The following FMNL2 variants were observed in gnomAD, a reference collection of about 807,000 sequenced individuals.
The protein encoded by FMNL2 is formin-like protein 2.
A neutral mutation model predicts 130.2 loss-of-function variants in FMNL2; 51 were observed. The ratio of observed to expected loss-of-function variants is 0.39; its 90% CI spans 0.31 to 0.49. FMNL2 has a LOEUF of 0.49. Among genes scored for constraint, FMNL2 ranks in the 20% least tolerant of loss-of-function variants. FMNL2 has a pLI of 0.85. For missense variants in FMNL2, 977 were observed against 1,316.2 expected (o/e 0.74, Z 3.99); for synonymous variants, 465 against 467.1 (o/e 1.00, Z 0.06).
intron 9 of FMNL2, among the ~76,000 whole-genome samples, chr2:152,603,398 T>TA (rs1698193793): frequency 8.5e-6 from 1 of 117,912 alleles, no homozygotes; most frequent in African/African-American, 3.7e-5. Flanking sequence ...TATTTAAGTC[T>TA]GTTTTTTTTT....
At chr2:152,587,847 AAG>A (rs564477142) in intron 9 of FMNL2, among the ~76,000 whole-genome samples, 80 of 152,368 alleles carry the variant, frequency 5.3e-4, no homozygotes, top group Admixed American at 1.2e-3. Context: ...CTGCCTTTAA[AAG>A]AGAGCCTCCC....
intron 1 of FMNL2, among the ~76,000 whole-genome samples, chr2:152,487,435 A>G (rs1362311385): frequency 6.6e-6 from 1 of 152,226 alleles, no homozygotes; most frequent in East Asian, 1.9e-4. Context: ...ACTTACAAAT[A>G]TGTTGCTAAG....
In FMNL2 at chr2:152,631,949, G is replaced by GGTAA. The variant is rs992394013; in HGVS notation, c.2551-56_2551-53dup. ...CTGGGTGGGAAATCGTCACCTGAGG[G>GGTAA]GTAAGTGTCTTGTTACCCTTTACTC... On this transcript the variant is annotated intron_variant, in intron 20 of 25. Transcript: ENST00000288670. 6 of 1,546,906 alleles carry GGTAA rather than the reference G, an allele frequency of 3.9e-6. No individual in the cohort carries two copies. The Admixed American group carries it at 5.8e-5, about 15-fold the overall frequency.
At chr2:152,538,613 A>G (rs980813480) in intron 2 of FMNL2, among the ~76,000 whole-genome samples, 3 of 152,184 alleles carry the variant, frequency 2.0e-5, no homozygotes, top group Non-Finnish European at 2.9e-5. Flanking sequence ...AAACTCATAT[A>G]AAACTTTCAT....
intron 2 of FMNL2, among the ~76,000 whole-genome samples, chr2:152,530,634 A>G (rs1693636116): frequency 6.6e-6 from 1 of 152,264 alleles, no homozygotes; most frequent in Non-Finnish European, 1.5e-5. Flanking sequence ...GAAAAAAGAT[A>G]CATACACTTA....
chr2:152,335,615 A>G lies in FMNL2; in HGVS notation c.12A>G (p.Ala4=). 6.3e-7 allele frequency: 1 copy of G among 1,588,300 alleles called. No individual in the cohort carries two copies. Among genetic ancestry groups the G allele is most frequent in the Non-Finnish European group, 8.6e-7 (1 of 1,167,306 alleles). Residue 4 remains alanine (A), a synonymous_variant, in exon 1 of 26, where the codon GCA becomes GCG. Transcript: ENST00000288670. ...GGCGCGCCGCCGACATGGGCAACGCAGGGAGCATGGATTCGCAGCAGACCG... is the reference window on the plus strand; with the variant it reads ...GGCGCGCCGCCGACATGGGCAACGCGGGGAGCATGGATTCGCAGCAGACCG... MGN[A]GSMDSQQTDF... is the part of the protein sequence containing the mutation.
intron 9 of FMNL2, among the ~76,000 whole-genome samples, chr2:152,589,465 T>C (rs1003966931): frequency 6.6e-6 from 1 of 152,174 alleles, no homozygotes; most frequent in East Asian, 1.9e-4. Context: ...TCTTGGAAGA[T>C]AACGAGGAGA....
intron 18 of FMNL2, 38 bp downstream of exon 18, chr2:152,628,571 G>T (rs778585453): frequency 6.5e-7 from 1 of 1,545,242 alleles, no homozygotes; most frequent in Non-Finnish European, 8.9e-7. Flanking sequence ...GGGGTCCAAA[G>T]AAATGTGGAA....
intron 1 of FMNL2, among the ~76,000 whole-genome samples, chr2:152,446,144 A>C (rs558974956): frequency 6.6e-6 from 1 of 152,332 alleles, no homozygotes; most frequent in East Asian, 1.9e-4. Context: ...CATACTTGGC[A>C]TTATAGTCAG....
chr2:152,457,744 G>A (rs1689037299), intron 1 of FMNL2, among the ~76,000 whole-genome samples: 1 of 152,176 alleles, frequency 6.6e-6, no homozygotes, highest in South Asian at 2.1e-4. Context: ...GTCCAACATG[G>A]GTCCCACTGG....
At chr2:152,338,570 CT>C (rs1335124466) in intron 1 of FMNL2, among the ~76,000 whole-genome samples, 1 of 151,926 alleles carries the variant, frequency 6.6e-6, no homozygotes, top group African/African-American at 2.4e-5. Context: ...GAATAAAAGA[CT>C]AATGAATTAA....
intron 1 of FMNL2, among the ~76,000 whole-genome samples, chr2:152,417,043 G>A (rs143447635): frequency 6.6e-6 from 1 of 152,296 alleles, no homozygotes; most frequent in East Asian, 1.9e-4. Context: ...TACAGGCATA[G>A]GTTGTCCTCT....
intron 1 of FMNL2, among the ~76,000 whole-genome samples, chr2:152,355,498 A>G (rs908466861): frequency 5.3e-5 from 8 of 152,016 alleles, no homozygotes; most frequent in Non-Finnish European, 4.4e-5. Context: ...GGTTTTTCTC[A>G]TGTCCCAGTG....
intron 1 of FMNL2, among the ~76,000 whole-genome samples, chr2:152,424,208 G>T (rs1687058836): frequency 1.3e-5 from 2 of 152,146 alleles, no homozygotes; most frequent in Non-Finnish European, 2.9e-5. Flanking sequence ...CAAAAACCTT[G>T]TGGAAGTATT....
rs796954245 is a variant in FMNL2 at position 152,375,877 on chromosome 2, C to CTCTCTATA, written c.117+40158_117+40159insCTCTATAT. ...TCTCTCTCTCTCTCTCTCTCTCTCT[C>CTCTCTATA]TATATATATATATATATATAATTAT... On this transcript the variant is annotated intron_variant, in intron 1 of 25. Coordinates refer to ENST00000288670, the MANE Select transcript of FMNL2 (RefSeq NM_052905.4). Among the ~76,000 whole-genome samples the CTCTCTATA allele has an allele frequency of 5.4e-3, 604 of 112,460 alleles. 9 individuals are homozygous for CTCTCTATA. The highest frequency in any genetic ancestry group is 0.018 in the African/African-American group (526 of 28,910). 73.8% of individuals were successfully genotyped at this position (112,460 alleles called of 152,430 possible). A position where few individuals can be genotyped will look rare whatever the true frequency, so the allele number is the denominator to read the frequency against.
chr2:152,592,297 A>G (rs1697485234), intron 9 of FMNL2, among the ~76,000 whole-genome samples: 1 of 152,206 alleles, frequency 6.6e-6, no homozygotes, highest in Non-Finnish European at 1.5e-5. Flanking sequence ...AATTTAAACC[A>G]AAATGTTAGG....
chr2:152,467,303 T>C (rs954919111), intron 1 of FMNL2, among the ~76,000 whole-genome samples: 4 of 152,230 alleles, frequency 2.6e-5, no homozygotes, highest in African/African-American at 9.6e-5. Flanking sequence ...TCTTGTTGGA[T>C]TGTCATTCCT....
intron 1 of FMNL2, among the ~76,000 whole-genome samples, chr2:152,364,757 A>G (rs958337924): frequency 1.4e-4 from 21 of 152,328 alleles, no homozygotes; most frequent in African/African-American, 4.6e-4. Context: ...GCTTTTTTCA[A>G]GAGAGCTTTT....
chr2:152,450,029 C>T (rs897756958), intron 1 of FMNL2, among the ~76,000 whole-genome samples: 12 of 152,284 alleles, frequency 7.9e-5, no homozygotes, highest in South Asian at 2.1e-4. Flanking sequence ...TCTGTAACAA[C>T]GGCTCCTTCT....
Sources: allele counts gnomAD v4.1 joint callset (sites outside exome capture counted in the v4.1 genomes callset), GRCh38; gene constraint gnomAD v4.1.1; transcripts MANE v1.5; gene names NCBI Gene and HGNC (gene_info 2026-07-23, HGNC 2026-07-21).